SPATA31H1: variants seen among roughly 807,000 people sequenced by gnomAD.
SPATA31H1 encodes SPATA31 subfamily H member 1, also known as spermatogenesis-associated protein 31H1.
At chr2:27,578,333 T>G in the SPATA31H1 span, 1 of 1,614,112 alleles carries the variant, frequency 6.2e-7, no homozygotes, top group South Asian at 1.1e-5. Flanking sequence ...GGTTTCAAAT[T>G]GTAAAAACTA....
chr2:27,566,488 T>C, the SPATA31H1 span: 1 of 655,306 alleles, frequency 1.5e-6, no homozygotes, highest in Non-Finnish European at 2.8e-6. Flanking sequence ...AAGAGAGAGT[T>C]TGTTTTGTCT....
chr2:27,566,772 G>A, the SPATA31H1 span: 3 of 715,834 alleles, frequency 4.2e-6, no homozygotes, highest in Non-Finnish European at 7.8e-6. Flanking sequence ...TGAATCACAG[G>A]ATATGATTTC....
At chr2:27,580,653 T>C in the SPATA31H1 span, 4 of 1,614,116 alleles carry the variant, frequency 2.5e-6, no homozygotes, top group East Asian at 8.9e-5. Context: ...AAAGCGGGCA[T>C]TCCAAACAGC....
At chr2:27,579,493 C>G in the SPATA31H1 span, 6 of 1,614,054 alleles carry the variant, frequency 3.7e-6, no homozygotes, top group Non-Finnish European at 5.1e-6. Context: ...AAAAGAATGG[C>G]CTTAAGGATA....
chr2:27,543,966 T>C, the SPATA31H1 span, among the ~76,000 whole-genome samples: 1 of 152,064 alleles, frequency 6.6e-6, no homozygotes, highest in East Asian at 1.9e-4. Flanking sequence ...GACAATTTTT[T>C]TCAGTCCTGA....
At chr2:27,543,164 A>G in the SPATA31H1 span, among the ~76,000 whole-genome samples, 1 of 151,990 alleles carries the variant, frequency 6.6e-6, no homozygotes, top group Non-Finnish European at 1.5e-5. Flanking sequence ...AAAAGTAACT[A>G]AGCACACAAA....
chr2:27,537,674 A>G, the SPATA31H1 span: 1 of 647,056 alleles, frequency 1.5e-6, no homozygotes, highest in Non-Finnish European at 2.8e-6. Context: ...GGGAGAGGGG[A>G]GTTGAGACAG....
the SPATA31H1 span, among the ~76,000 whole-genome samples, chr2:27,562,988 TG>T: frequency 6.6e-6 from 1 of 152,192 alleles, no homozygotes; most frequent in Admixed American, 6.5e-5. Context: ...TCATCTTCTA[TG>T]TTTTTTTTAG....
the SPATA31H1 span, chr2:27,578,626 T>A: frequency 6.2e-7 from 1 of 1,613,826 alleles, no homozygotes; most frequent in Non-Finnish European, 8.5e-7. Context: ...CTTCAGGCTG[T>A]GAAATCTACA....
chr2:27,566,233 C>T, the SPATA31H1 span: 2 of 710,692 alleles, frequency 2.8e-6, no homozygotes, highest in Non-Finnish European at 5.2e-6. Context: ...TTATTGTTTT[C>T]CTTACTGGTA....
At chr2:27,560,655 C>A in the SPATA31H1 span, among the ~76,000 whole-genome samples, 1 of 152,086 alleles carries the variant, frequency 6.6e-6, no homozygotes, top group Non-Finnish European at 1.5e-5. Context: ...GACGGGGTTT[C>A]ACTGTGTTAG....
chr2:27,574,986 G>C, the SPATA31H1 span: 1 of 398,518 alleles, frequency 2.5e-6, no homozygotes, highest in East Asian at 3.6e-5. Context: ...TGAATTGACT[G>C]TAGGTACAAA....
chr2:27,546,770 T>C, the SPATA31H1 span, among the ~76,000 whole-genome samples: 1 of 152,010 alleles, frequency 6.6e-6, no homozygotes, highest in African/African-American at 2.4e-5. Flanking sequence ...TCAGTTCAAG[T>C]AATTTGCCTG....
chr2:27,539,323 C>G, the SPATA31H1 span, among the ~76,000 whole-genome samples: 4,252 of 145,756 alleles, frequency 0.029, 212 homozygotes, highest in African/African-American at 0.099. Context: ...TGACTCTTAA[C>G]GAGCATGCTG....
At chr2:27,580,866 A>C in the SPATA31H1 span, 1 of 1,614,168 alleles carries the variant, frequency 6.2e-7, no homozygotes, top group African/African-American at 1.3e-5. Flanking sequence ...GTGGGGAGGA[A>C]CGGTCCAGTG....
chr2:27,539,259 TCCGG>T, the SPATA31H1 span, among the ~76,000 whole-genome samples: 1 of 149,482 alleles, frequency 6.7e-6, no homozygotes, highest in African/African-American at 2.6e-5. Context: ...CCTGCGGCCT[TCCGG>T]CCTTCCGCAG....
At chr2:27,579,689 T>C in the SPATA31H1 span, 16 of 1,614,064 alleles carry the variant, frequency 9.9e-6, no homozygotes, top group African/African-American at 4.0e-5. Context: ...TATTTTACGA[T>C]AGAGAAGATC....
the SPATA31H1 span, among the ~76,000 whole-genome samples, chr2:27,559,862 T>C: frequency 6.6e-6 from 1 of 151,970 alleles, no homozygotes; most frequent in African/African-American, 2.4e-5. Context: ...TTTTATTTAT[T>C]TTTTTTCTTT....
the SPATA31H1 span, chr2:27,569,161 C>G: frequency 2.5e-6 from 1 of 398,918 alleles, no homozygotes; most frequent in Non-Finnish European, 4.4e-6. Context: ...GGGGAAACTC[C>G]AGTATCACAA....
Sources: gnomAD v4.1 joint callset for allele counts (sites outside exome capture counted in the v4.1 genomes callset) on GRCh38, gnomAD v4.1.1 for gene constraint, MANE v1.5 for transcripts, NCBI Gene and HGNC (gene_info 2026-07-23, HGNC 2026-07-21) for gene names.